Variants in SLC10A7 observed in about 807,000 individuals in gnomAD.
The protein encoded by SLC10A7 is solute carrier family 10 member 7.
Under a neutral mutation model 43.2 loss-of-function variants are expected in SLC10A7, and 29 were observed. The ratio of observed to expected loss-of-function variants is 0.67; its 90% CI spans 0.50 to 0.92. The LOEUF is 0.92. Ranked by LOEUF, SLC10A7 falls within the 40% of genes least tolerant of loss-of-function variation. The probability of loss-of-function intolerance (pLI) is 0.00; values close to 1 mark genes in which losing one functional copy is unlikely to be tolerated. For synonymous variants in SLC10A7, 152 were observed against 144.8 expected, an observed-to-expected ratio of 1.05 and a Z score of -0.35; for missense variants, 295 against 403.2, an observed-to-expected ratio of 0.73 and a Z score of 2.30.
intron 5 of SLC10A7, among the ~76,000 whole-genome samples, chr4:146,414,274 G>T (rs962290505): frequency 8.5e-5 from 13 of 152,114 alleles, no homozygotes; most frequent in African/African-American, 3.1e-4. Flanking sequence ...CTCCAATAAA[G>T]GTGATCCAAA....
intron 5 of SLC10A7, among the ~76,000 whole-genome samples, chr4:146,339,261 G>A (rs1403372647): frequency 1.3e-5 from 2 of 151,898 alleles, no homozygotes; most frequent in Non-Finnish European, 2.9e-5. Context: ...GAATAGGTTT[G>A]GCATAGCTCA....
intron 6 of SLC10A7, among the ~76,000 whole-genome samples, chr4:146,323,754 A>T (rs1732904457): frequency 6.6e-6 from 1 of 152,108 alleles, no homozygotes; most frequent in Admixed American, 6.6e-5. Flanking sequence ...TCCCTTTGAA[A>T]ACTGGCACAA....
chr4:146,517,531 T>G (rs1738131801), intron 1 of SLC10A7, among the ~76,000 whole-genome samples: 1 of 152,106 alleles, frequency 6.6e-6, no homozygotes, highest in South Asian at 2.1e-4. Flanking sequence ...GTACTTTAGA[T>G]ATCAGTGTCA....
At chr4:146,412,938 C>T (rs1728298622) in intron 5 of SLC10A7, among the ~76,000 whole-genome samples, 1 of 152,066 alleles carries the variant, frequency 6.6e-6, no homozygotes, top group African/African-American at 2.4e-5. Flanking sequence ...CACTCCATTT[C>T]CAATGTCTAG....
chr4:146,290,346 A>AAAT, intron 9 of SLC10A7, among the ~76,000 whole-genome samples: 1 of 150,850 alleles, frequency 6.6e-6, no homozygotes, highest in Non-Finnish European at 1.5e-5. Context: ...AAAAAAAAAA[A>AAAT]AGGTACAGAT....
rs983646187 is a variant in SLC10A7 at position 146,255,187 on chromosome 4, GA to G, written c.*1303del. ...GACAGGACGGCATGGGGGAAACACA[GA>G]AAAGTGTTCTCGTAGTTCTATACGT... On this transcript the variant is annotated 3_prime_UTR_variant, in exon 12 of 12. Coordinates refer to ENST00000335472, the MANE Select transcript of SLC10A7 (RefSeq NM_001029998.6). The G allele has an allele frequency of 6.6e-6, 1 of 152,610 alleles. No individual in the cohort carries two copies. Among genetic ancestry groups the G allele is most frequent in the African/African-American group, 2.4e-5 (1 of 41,432 alleles). 9.5% of individuals were successfully genotyped at this position (152,610 alleles called of 1,614,324 possible).
At chr4:146,272,057 G>A (rs994278841) in intron 10 of SLC10A7, among the ~76,000 whole-genome samples, 2 of 152,192 alleles carry the variant, frequency 1.3e-5, no homozygotes, top group African/African-American at 2.4e-5. Context: ...GAAGCTAGAT[G>A]AGGGCAAGAA....
intron 5 of SLC10A7, among the ~76,000 whole-genome samples, chr4:146,330,143 T>C (rs1733432609): frequency 6.6e-6 from 1 of 152,142 alleles, no homozygotes; most frequent in African/African-American, 2.4e-5. Context: ...AATGACTAGG[T>C]GAATGTATTT....
intron 10 of SLC10A7, among the ~76,000 whole-genome samples, chr4:146,268,617 G>A (rs550636552): frequency 6.5e-4 from 99 of 152,304 alleles, no homozygotes; most frequent in African/African-American, 2.2e-3. Context: ...ACTGTTCTGA[G>A]AGTGTACAAG....
chr4:146,475,587 T>C (rs1733951267), intron 4 of SLC10A7, among the ~76,000 whole-genome samples: 1 of 152,156 alleles, frequency 6.6e-6, no homozygotes, highest in Non-Finnish European at 1.5e-5. Flanking sequence ...TCTAATACTA[T>C]CACTTTGCAA....
chr4:146,308,155 G>A (rs113962066), intron 6 of SLC10A7, among the ~76,000 whole-genome samples: 6 of 152,152 alleles, frequency 3.9e-5, no homozygotes, highest in East Asian at 1.9e-4. Flanking sequence ...TCAGAGATCA[G>A]AGCAAGCTAC....
At chr4:146,274,728 G>A (rs1729101204) in intron 10 of SLC10A7, among the ~76,000 whole-genome samples, 1 of 152,156 alleles carries the variant, frequency 6.6e-6, no homozygotes, top group Admixed American at 6.5e-5. Context: ...GTGATTCCTG[G>A]AAATTAGGGT....
chr4:146,259,279 T>TA (rs533925271), intron 10 of SLC10A7, among the ~76,000 whole-genome samples: 7 of 152,164 alleles, frequency 4.6e-5, no homozygotes, highest in Non-Finnish European at 8.8e-5. Context: ...CTTTTGAGAG[T>TA]AAAAAAATAC....
At chr4:146,515,604 G>A (rs973960649) in intron 2 of SLC10A7, among the ~76,000 whole-genome samples, 4 of 152,104 alleles carry the variant, frequency 2.6e-5, no homozygotes, top group Non-Finnish European at 1.5e-5. Flanking sequence ...ATGATCCTAC[G>A]TATATCAAAA....
intron 4 of SLC10A7, among the ~76,000 whole-genome samples, chr4:146,482,846 A>T (rs1734593308): frequency 6.6e-6 from 1 of 152,210 alleles, no homozygotes; most frequent in African/African-American, 2.4e-5. Context: ...AAGCAACAAA[A>T]GAGTCAAGTC....
At chr4:146,270,160 TG>T (rs1359431994) in intron 10 of SLC10A7, among the ~76,000 whole-genome samples, 1 of 152,208 alleles carries the variant, frequency 6.6e-6, no homozygotes, top group African/African-American at 2.4e-5. Context: ...GATGATGTCC[TG>T]ATAATCTACT....
At chr4:146,480,455 T>C in intron 4 of SLC10A7, among the ~76,000 whole-genome samples, 1 of 152,170 alleles carries the variant, frequency 6.6e-6, no homozygotes, top group East Asian at 1.9e-4. Context: ...AGGGCTGGCA[T>C]GGCAGCTCCA....
chr4:146,414,049 G>A (rs1475377801), intron 5 of SLC10A7, among the ~76,000 whole-genome samples: 3 of 152,092 alleles, frequency 2.0e-5, no homozygotes, highest in Non-Finnish European at 2.9e-5. Flanking sequence ...AGGAGGATGG[G>A]GAGGTCAGAT....
rs775133565 is a variant in SLC10A7 at position 146,347,824 on chromosome 4, C to T, written c.436-21828G>A. On this transcript the variant is annotated intron_variant, in intron 5 of 11. Coordinates refer to ENST00000335472, the MANE Select transcript of SLC10A7 (RefSeq NM_001029998.6). ...CCTGTCAGGGATTTCTTAAGAGGAA[C>T]AAAAACACTTGATTCTATCTACTTT... Among the ~76,000 whole-genome samples the T allele has an allele frequency of 8.6e-5, 13 of 151,916 alleles. 1 individual carries two copies. The highest frequency in any genetic ancestry group is 1.5e-5 in the Non-Finnish European group (1 of 67,956).
Sources: allele counts gnomAD v4.1 joint callset (sites outside exome capture counted in the v4.1 genomes callset), GRCh38; gene constraint gnomAD v4.1.1; transcripts MANE v1.5; gene names NCBI Gene and HGNC (gene_info 2026-07-23, HGNC 2026-07-21).